OSBP2: variants seen among roughly 807,000 people sequenced by gnomAD.
The protein encoded by OSBP2 is oxysterol-binding protein 2.
In OSBP2, 66 loss-of-function variants were observed where a neutral mutation model predicts 96.0. That is an observed-to-expected ratio of 0.69 (90% CI 0.56 to 0.84). OSBP2 has a LOEUF of 0.84. Among genes scored for constraint, OSBP2 ranks in the 40% least tolerant of loss-of-function variants. The pLI is 0.00. For synonymous variants in OSBP2, 525 were observed against 520.9 expected, an observed-to-expected ratio of 1.01 and a Z score of -0.11; for missense variants, 1,038 against 1,222.7, an observed-to-expected ratio of 0.85 and a Z score of 2.25.
At chr22:30,773,400 C>T in intron 2 of OSBP2, among the ~76,000 whole-genome samples, 1 of 152,174 alleles carries the variant, frequency 6.6e-6, no homozygotes, top group Non-Finnish European at 1.5e-5. Flanking sequence ...GTCAGCTTCC[C>T]ACGTAGTGGA....
At chr22:30,885,008 TG>T (rs1270579154) in intron 3 of OSBP2, among the ~76,000 whole-genome samples, 1 of 152,140 alleles carries the variant, frequency 6.6e-6, no homozygotes, top group Non-Finnish European at 1.5e-5. Context: ...GGTTGTGGCC[TG>T]GGCACCAGGT....
intron 2 of OSBP2, chr22:30,844,646 T>C (rs1200166869): frequency 6.6e-6 from 1 of 152,114 alleles, no homozygotes; most frequent in African/African-American, 2.4e-5. Context: ...ATGGCTGGTT[T>C]GATCCTCTAT....
chr22:30,854,844 A>C (rs538836381), intron 2 of OSBP2, among the ~76,000 whole-genome samples: 1 of 152,318 alleles, frequency 6.6e-6, no homozygotes, highest in South Asian at 2.1e-4. Flanking sequence ...TAAAGGAAAG[A>C]GGTTTAGTTG....
At chr22:30,731,945 G>A (rs994689609) in intron 1 of OSBP2, among the ~76,000 whole-genome samples, 10 of 152,180 alleles carry the variant, frequency 6.6e-5, no homozygotes, top group African/African-American at 2.2e-4. Flanking sequence ...TGATGTTTGC[G>A]CTGAGTGGTC....
chr22:30,737,236 G>A (rs1309857951), intron 1 of OSBP2, among the ~76,000 whole-genome samples: 5 of 151,010 alleles, frequency 3.3e-5, no homozygotes, highest in Non-Finnish European at 5.9e-5. Context: ...GGCTGGTCTC[G>A]AACTCCTGAC....
chr22:30,850,162 C>T (rs1015652013), intron 2 of OSBP2, among the ~76,000 whole-genome samples: 3 of 151,792 alleles, frequency 2.0e-5, no homozygotes, highest in Admixed American at 6.6e-5. Context: ...AAAAATTAGC[C>T]GGGCATGGTG....
At chr22:30,731,914 G>A (rs1042992791) in intron 1 of OSBP2, among the ~76,000 whole-genome samples, 4 of 152,138 alleles carry the variant, frequency 2.6e-5, no homozygotes, top group African/African-American at 4.8e-5. Flanking sequence ...TCCACTCTCC[G>A]CCAGCACTCT....
Position 30,893,490 on chromosome 22 carries a change from G to C in OSBP2, c.2018G>C (p.Ser673Thr), listed in dbSNP as rs35988107. Residue 673 changes from serine (S) to threonine (T), a missense_variant, in exon 10 of 14, where the codon AGT becomes ACT. Physicochemically the swap from Ser to Thr is moderately conservative, Grantham distance 58 (BLOSUM62 1). Around this residue, in one of 3 missense-constraint regions of OSBP2, gnomAD observed 737 missense variants for 913.3 expected, o/e 0.81. Coordinates refer to ENST00000332585, the MANE Select transcript of OSBP2 (RefSeq NM_030758.4). ...LGAIHLEFQA[S>T]GNHYVWRKST... ...GCCATCCACTTAGAATTCCAGGCCA[G>C]TGGGAATCACTACGTGTGGAGGAAG... 11,695 of 1,614,118 alleles carry C rather than the reference G, an allele frequency of 7.2e-3. 80 individuals carry two copies. Among genetic ancestry groups the C allele is most frequent in the Middle Eastern group, 0.02 (122 of 6,062 alleles).
At chr22:30,694,856 GGCCTGCCCCCC>G (rs1352157413), upstream of OSBP2, 151 of 847,126 alleles carry the variant, frequency 1.8e-4, no homozygotes, top group Non-Finnish European at 2.2e-4. Flanking sequence ...CCCCGCCCCC[GGCCTGCCCCCC>G]GCCCCCACTG....
At chr22:30,812,259 A>G (rs973031129) in intron 2 of OSBP2, among the ~76,000 whole-genome samples, 1 of 151,880 alleles carries the variant, frequency 6.6e-6, no homozygotes, top group Non-Finnish European at 1.5e-5. Flanking sequence ...TCCTGCTTCC[A>G]GGTTCAAGTG....
At chr22:30,902,126 G>GAAAAAAAAAAAAAAAACAA (rs35391426) in intron 12 of OSBP2, 1 of 115,898 alleles carries the variant, frequency 8.6e-6, no homozygotes, top group Non-Finnish European at 1.4e-5. Flanking sequence ...AAAAAAAAAC[G>GAAAAAAAAAAAAAAAACAA]AAAAAAAAAA....
intron 2 of OSBP2, among the ~76,000 whole-genome samples, chr22:30,839,718 G>A (rs1437014858): frequency 1.3e-5 from 2 of 151,680 alleles, no homozygotes; most frequent in East Asian, 3.9e-4. Flanking sequence ...ATTTGTTTGA[G>A]TTCATTGTAG....
At chr22:30,749,013 G>A (rs147754904) in intron 2 of OSBP2, among the ~76,000 whole-genome samples, 6 of 152,308 alleles carry the variant, frequency 3.9e-5, no homozygotes, top group African/African-American at 1.4e-4. Context: ...CTAGTTGGGA[G>A]GCCGAGGCAG....
intron 2 of OSBP2, among the ~76,000 whole-genome samples, chr22:30,827,630 A>T (rs143259754): frequency 8.1e-4 from 124 of 152,328 alleles, no homozygotes; most frequent in Middle Eastern, 3.4e-3. Flanking sequence ...ATTTGCACAG[A>T]GGCCAGGAAG....
At chr22:30,832,335 G>T (rs2038540545) in intron 2 of OSBP2, among the ~76,000 whole-genome samples, 1 of 146,598 alleles carries the variant, frequency 6.8e-6, no homozygotes, top group South Asian at 2.2e-4. Flanking sequence ...TCGTTTTGTT[G>T]CCTGGAGTGC....
upstream of OSBP2, chr22:30,694,805 C>G (rs1399048983): frequency 3.6e-6 from 2 of 562,930 alleles, no homozygotes; most frequent in Non-Finnish European, 4.5e-6. Context: ...AACCCGCGCG[C>G]GCCCCCGCCT....
At chr22:30,811,704 A>G (rs1332075520) in intron 2 of OSBP2, among the ~76,000 whole-genome samples, 1 of 151,466 alleles carries the variant, frequency 6.6e-6, no homozygotes, top group East Asian at 1.9e-4. Context: ...ACAGGCGCCC[A>G]CCACCACACC....
At chr22:30,861,660 C>A (rs2039213664) in intron 2 of OSBP2, among the ~76,000 whole-genome samples, 1 of 152,108 alleles carries the variant, frequency 6.6e-6, no homozygotes, top group Non-Finnish European at 1.5e-5. Flanking sequence ...AGAGGAGTGG[C>A]GTCACTTGTC....
rs903004170 is a variant in OSBP2 at position 30,832,300 on chromosome 22, C to CT, written c.854-38118dup. The stretch of plus-strand genomic sequence containing the variant: ...TTTCTTTTTCTTTTTTCTTTTCTTT[C>CT]TTTTTTTTTTTAAGATACAAAGTCT... On this transcript the variant is annotated intron_variant, in intron 2 of 13. Transcript: ENST00000332585. Among the ~76,000 whole-genome samples the CT allele has an allele frequency of 5.7e-4, 83 of 145,896 alleles. No individual in the cohort carries two copies. In the South Asian group the frequency reaches 6.3e-3, roughly 11 times the overall value.
Sources: allele counts gnomAD v4.1 joint callset (sites outside exome capture counted in the v4.1 genomes callset), GRCh38; gene constraint gnomAD v4.1.1; regional missense constraint gnomAD v4.1.1; transcripts MANE v1.5; gene names NCBI Gene and HGNC (gene_info 2026-07-23, HGNC 2026-07-21).